SUPT3H: variants seen among roughly 807,000 people sequenced by gnomAD.
SUPT3H encodes the protein transcription initiation protein SPT3 homolog.
A neutral mutation model predicts 44.3 loss-of-function variants in SUPT3H; 44 were observed. That is an observed-to-expected ratio of 0.99 (90% CI 0.78 to 1.28). The LOEUF (loss-of-function observed/expected upper bound fraction) is 1.28. Among genes scored for constraint, SUPT3H ranks in the 50% most tolerant of loss-of-function variants. The pLI is 0.00. For missense variants in SUPT3H, 380 were observed against 387.1 expected (o/e 0.98, Z 0.15); for synonymous variants, 124 against 125.6 (o/e 0.99, Z 0.09).
chr6:45,334,824 T>C (rs1194723922), intron 2 of SUPT3H, among the ~76,000 whole-genome samples: 4 of 151,166 alleles, frequency 2.6e-5, no homozygotes, highest in Non-Finnish European at 5.9e-5. Context: ...AATCAAAATT[T>C]TTTTGCATGT....
chr6:45,292,886 T>TG (rs1344930867), intron 2 of SUPT3H, among the ~76,000 whole-genome samples: 1 of 150,634 alleles, frequency 6.6e-6, no homozygotes, highest in African/African-American at 2.4e-5. Flanking sequence ...ACAATAATAG[T>TG]GGGGGACTTC....
At chr6:44,969,606 T>C (rs1777273429) in intron 6 of SUPT3H, among the ~76,000 whole-genome samples, 1 of 151,282 alleles carries the variant, frequency 6.6e-6, no homozygotes, top group Non-Finnish European at 1.5e-5. Flanking sequence ...AGAAAAAAAA[T>C]CAAAAAACAA....
intron 2 of SUPT3H, among the ~76,000 whole-genome samples, chr6:45,209,238 G>C (rs891939571): frequency 4.6e-5 from 7 of 152,290 alleles, no homozygotes; most frequent in African/African-American, 1.7e-4. Context: ...ATGGATCAAG[G>C]AGTCAGCTCA....
chr6:44,994,646 T>A (rs540874492), intron 6 of SUPT3H, among the ~76,000 whole-genome samples: 1 of 152,204 alleles, frequency 6.6e-6, no homozygotes, highest in South Asian at 2.1e-4. Flanking sequence ...ACCCAAGCCT[T>A]TTTAAGAGTA....
intron 2 of SUPT3H, among the ~76,000 whole-genome samples, chr6:45,340,090 T>C (rs1311478097): frequency 6.6e-6 from 1 of 152,160 alleles, no homozygotes. Context: ...GTGTTATACA[T>C]GATCTAAATG....
intron 2 of SUPT3H, among the ~76,000 whole-genome samples, chr6:45,184,526 T>A (rs1813834865): frequency 6.6e-6 from 1 of 151,994 alleles, no homozygotes; most frequent in South Asian, 2.1e-4. Flanking sequence ...GGCTCTCTGG[T>A]TGCATCAACG....
intron 2 of SUPT3H, among the ~76,000 whole-genome samples, chr6:45,273,865 A>G (rs752893344): frequency 2.6e-5 from 4 of 152,160 alleles, no homozygotes; most frequent in Non-Finnish European, 5.9e-5. Context: ...GGAAATCTGT[A>G]TTCATTTAAC....
intron 2 of SUPT3H, among the ~76,000 whole-genome samples, chr6:45,132,683 TG>T (rs929541946): frequency 6.6e-6 from 1 of 152,194 alleles, no homozygotes; most frequent in African/African-American, 2.4e-5. Context: ...AAGAACCCAA[TG>T]GAAAATAACC....
At chr6:45,232,284 T>C (rs561157849) in intron 2 of SUPT3H, among the ~76,000 whole-genome samples, 1 of 152,330 alleles carries the variant, frequency 6.6e-6, no homozygotes, top group African/African-American at 2.4e-5. Context: ...GTGTGTGCAG[T>C]AGTGTCATCA....
chr6:45,106,060 C>G, intron 2 of SUPT3H, 54 bp from the exon 3 acceptor site: 1 of 1,378,568 alleles, frequency 7.3e-7, no homozygotes, highest in Non-Finnish European at 1.0e-6. Flanking sequence ...CTAAGAAAGG[C>G]AAAAAGTGAA....
At chr6:44,891,080 T>TAC (rs1374445406) in intron 10 of SUPT3H, among the ~76,000 whole-genome samples, 1 of 152,184 alleles carries the variant, frequency 6.6e-6, no homozygotes, top group Non-Finnish European at 1.5e-5. Flanking sequence ...TATACCTATG[T>TAC]AACAAACCTG....
chr6:44,921,992 C>T (rs1003998663), intron 10 of SUPT3H, among the ~76,000 whole-genome samples: 16 of 152,262 alleles, frequency 1.1e-4, no homozygotes, highest in African/African-American at 3.4e-4. Context: ...ATTTCCTGAT[C>T]TAGAGAGCAT....
At chr6:45,157,473 A>G (rs1249393403) in intron 2 of SUPT3H, among the ~76,000 whole-genome samples, 1 of 151,880 alleles carries the variant, frequency 6.6e-6, no homozygotes, top group Non-Finnish European at 1.5e-5. Context: ...ATTCTGATTT[A>G]ATTGGTCTGG....
At chr6:45,076,722 C>T (rs1795046566) in intron 3 of SUPT3H, among the ~76,000 whole-genome samples, 1 of 152,108 alleles carries the variant, frequency 6.6e-6, no homozygotes, top group Non-Finnish European at 1.5e-5. Flanking sequence ...GATTAAGTTG[C>T]AGCCTACTGA....
intron 3 of SUPT3H, among the ~76,000 whole-genome samples, chr6:45,099,850 TAAAA>T (rs1369738272): frequency 2.0e-5 from 3 of 152,096 alleles, no homozygotes; most frequent in Non-Finnish European, 4.4e-5. Context: ...TCAGGATAAT[TAAAA>T]AAATTTAACT....
At chr6:45,321,077 A>T (rs1014933364) in intron 2 of SUPT3H, among the ~76,000 whole-genome samples, 8 of 152,128 alleles carry the variant, frequency 5.3e-5, no homozygotes, top group Non-Finnish European at 7.4e-5. Context: ...ATACAAACTC[A>T]TAATTCTTAA....
chr6:44,899,317 G>C (rs1244024728), intron 10 of SUPT3H: 1 of 152,186 alleles, frequency 6.6e-6, no homozygotes, highest in Non-Finnish European at 1.5e-5. Context: ...CTGGTTGTAA[G>C]CTGGTCTATT....
Position 44,829,770 on chromosome 6 carries a change from A to G in SUPT3H, c.*46T>C, listed in dbSNP as rs1768274356. 6.3e-7 allele frequency: 1 copy of G among 1,599,710 alleles called. No individual in the cohort carries two copies. The stretch of plus-strand genomic sequence containing the variant: ...TTTGTTCACAAGAAATCACCTTAAT[A>G]TAACATTGCCTTTCCTGTTGTTGCA... On this transcript the variant is annotated 3_prime_UTR_variant, in exon 11 of 11. Transcript: ENST00000371459.
chr6:45,183,778 C>T (rs1813693157), intron 2 of SUPT3H, among the ~76,000 whole-genome samples: 2 of 152,152 alleles, frequency 1.3e-5, no homozygotes, highest in Admixed American at 1.3e-4. Context: ...CACAAAGACA[C>T]AGAAGAACCT....
Sources: allele counts gnomAD v4.1 joint callset (sites outside exome capture counted in the v4.1 genomes callset), GRCh38; gene constraint gnomAD v4.1.1; transcripts MANE v1.5; gene names NCBI Gene and HGNC (gene_info 2026-07-23, HGNC 2026-07-21).